Variants in EYS observed in about 807,000 individuals in gnomAD.
EYS encodes protein eyes shut homolog.
EYS carries 250 observed loss-of-function variants against 282.1 expected under a neutral mutation model. The ratio of observed to expected loss-of-function variants is 0.89; its 90% CI spans 0.80 to 0.98. EYS has a LOEUF of 0.98. EYS is among the 50% of genes least tolerant of loss of function. The probability of loss-of-function intolerance (pLI) is 0.00; values close to 1 mark genes in which losing one functional copy is unlikely to be tolerated. For missense variants in EYS, 4,016 were observed against 3,709.0 expected (o/e 1.08, Z -2.15); for synonymous variants, 1,355 against 1,282.9 (o/e 1.06, Z -1.20).
At chr6:64,918,697 T>TGAG (rs144921486) in intron 15 of EYS, among the ~76,000 whole-genome samples, 4,747 of 151,922 alleles carry the variant, frequency 0.031, 128 homozygotes, top group East Asian at 0.13. Context: ...GAGTGAGGAG[T>TGAG]GAGGACTCAG....
At chr6:63,738,639 A>G (rs2149640122) in intron 41 of EYS, among the ~76,000 whole-genome samples, 1 of 150,872 alleles carries the variant, frequency 6.6e-6, no homozygotes, top group Admixed American at 6.6e-5. Flanking sequence ...CTAATGCTAA[A>G]TGACGAGTTA....
chr6:65,163,710 A>AT (rs1230077706), intron 12 of EYS, among the ~76,000 whole-genome samples: 1 of 151,226 alleles, frequency 6.6e-6, no homozygotes, highest in Non-Finnish European at 1.5e-5. Flanking sequence ...TTATTTTTAC[A>AT]TTTTTTTAAC....
chr6:64,969,342 A>G (rs1562280687), intron 14 of EYS, among the ~76,000 whole-genome samples: 1 of 152,194 alleles, frequency 6.6e-6, no homozygotes, highest in Non-Finnish European at 1.5e-5. Flanking sequence ...GTCTTTGCAA[A>G]TGCAGTATCA....
At chr6:64,718,048 C>T (rs1230183488) in intron 22 of EYS, among the ~76,000 whole-genome samples, 1 of 152,266 alleles carries the variant, frequency 6.6e-6, no homozygotes, top group East Asian at 1.9e-4. Flanking sequence ...CCTCTTACTA[C>T]AGTTAGTTCT....
At chr6:63,830,459 A>T (rs1771598379) in intron 36 of EYS, among the ~76,000 whole-genome samples, 1 of 152,220 alleles carries the variant, frequency 6.6e-6, no homozygotes. Flanking sequence ...CAAGTGGAAG[A>T]AAGGGTATCA....
intron 12 of EYS, among the ~76,000 whole-genome samples, chr6:65,280,727 A>ATAACACC (rs1196074241): frequency 3.3e-5 from 5 of 151,926 alleles, no homozygotes; most frequent in Non-Finnish European, 5.9e-5. Flanking sequence ...CATAGAAATA[A>ATAACACC]TAACACCTGG....
intron 28 of EYS, among the ~76,000 whole-genome samples, chr6:64,421,488 A>C (rs1774232014): frequency 6.6e-6 from 1 of 152,110 alleles, no homozygotes; most frequent in African/African-American, 2.4e-5. Context: ...ATAACTCTTA[A>C]ATTATCAAGC....
At chr6:64,121,267 T>C (rs1562211577) in intron 31 of EYS, among the ~76,000 whole-genome samples, 1 of 152,174 alleles carries the variant, frequency 6.6e-6, no homozygotes, top group Non-Finnish European at 1.5e-5. Context: ...TCTTACTACA[T>C]TCATAGGTTA....
chr6:65,476,513 TATTA>T (rs780212127), intron 5 of EYS, among the ~76,000 whole-genome samples: 14 of 152,200 alleles, frequency 9.2e-5, no homozygotes, highest in Non-Finnish European at 1.3e-4. Flanking sequence ...GTTCAAAATA[TATTA>T]ATTATTTCCA....
At chr6:63,936,244 T>C (rs1053060547) in intron 35 of EYS, among the ~76,000 whole-genome samples, 4 of 152,226 alleles carry the variant, frequency 2.6e-5, no homozygotes, top group Non-Finnish European at 2.9e-5. Context: ...ACCTGGATCC[T>C]GATTGCTGGC....
intron 12 of EYS, among the ~76,000 whole-genome samples, chr6:65,243,493 A>T (rs576282056): frequency 6.6e-6 from 1 of 152,286 alleles, no homozygotes; most frequent in Non-Finnish European, 1.5e-5. Flanking sequence ...GGGAGGAATT[A>T]AGGGAACAAT....
intron 28 of EYS, among the ~76,000 whole-genome samples, chr6:64,395,318 A>T (rs2150431788): frequency 6.6e-6 from 1 of 152,298 alleles, no homozygotes; most frequent in East Asian, 1.9e-4. Context: ...TGCTGCTATA[A>T]AGACGCATGC....
At chr6:64,342,817 C>A (rs1386989719) in intron 29 of EYS, among the ~76,000 whole-genome samples, 3 of 152,034 alleles carry the variant, frequency 2.0e-5, no homozygotes, top group Non-Finnish European at 2.9e-5. Flanking sequence ...ACCCATCTCA[C>A]GTGCAGAGAC....
At chr6:64,342,695 G>C (rs1771174952) in intron 29 of EYS, among the ~76,000 whole-genome samples, 1 of 151,950 alleles carries the variant, frequency 6.6e-6, no homozygotes, top group Admixed American at 6.6e-5. Context: ...ATAATGACAG[G>C]ATCAAATTCA....
At chr6:64,245,571 C>T (rs559280838) in intron 30 of EYS, among the ~76,000 whole-genome samples, 140 of 152,248 alleles carry the variant, frequency 9.2e-4, no homozygotes, top group Non-Finnish European at 1.5e-3. Flanking sequence ...TAAAAAAATT[C>T]TGTATCTGAT....
intron 5 of EYS, among the ~76,000 whole-genome samples, chr6:65,438,789 T>C (rs1173698285): frequency 6.6e-6 from 1 of 152,178 alleles, no homozygotes; most frequent in Non-Finnish European, 1.5e-5. Context: ...AAAAATTTTC[T>C]CCCATTTTCT....
chr6:64,686,645 G>A (rs1402267503), intron 22 of EYS, among the ~76,000 whole-genome samples: 1 of 148,526 alleles, frequency 6.7e-6, no homozygotes, highest in Non-Finnish European at 1.5e-5. Flanking sequence ...GGAGGCTGAG[G>A]CAGGAGAATG....
chr6:64,822,952 C>A (rs1309555364), intron 19 of EYS, 130 bp from the exon 20 acceptor site: 2 of 675,084 alleles, frequency 3.0e-6, no homozygotes. Context: ...TATTTGGTAG[C>A]AAAAGAAAAT....
chr6:65,651,615 T>G lies in EYS; in HGVS notation c.-447-11723A>C, dbSNP rs150991366. On this transcript the variant is annotated intron_variant, in intron 1 of 42. Transcript: ENST00000503581. ...TGCAAAACTCTTCCTTCTTTGTAAA[T>G]GAATGAATAATACAGCAACCACTAG... Among the ~76,000 whole-genome samples the G allele has an allele frequency of 3.0e-3, 453 of 152,164 alleles. 3 individuals carry two copies. Among genetic ancestry groups the G allele is most frequent in the African/African-American group, 0.01 (433 of 41,568 alleles).
Sources: gnomAD v4.1 joint callset for allele counts (sites outside exome capture counted in the v4.1 genomes callset) on GRCh38, gnomAD v4.1.1 for gene constraint, MANE v1.5 for transcripts, NCBI Gene and HGNC (gene_info 2026-07-23, HGNC 2026-07-21) for gene names.